The following UBE3A variants were observed in gnomAD, a reference collection of about 807,000 sequenced individuals.
The protein encoded by UBE3A is ubiquitin protein ligase E3A.
In UBE3A, 6 loss-of-function variants were observed where a neutral mutation model predicts 83.4. That is an observed-to-expected ratio of 0.07 (90% CI 0.04 to 0.14). The LOEUF is 0.14. UBE3A is among the 10% of genes least tolerant of loss of function. UBE3A has a pLI of 1.00. For missense variants in UBE3A, 456 were observed against 1,036.1 expected, an observed-to-expected ratio of 0.44 and a Z score of 7.69; for synonymous variants, 337 against 355.4, an observed-to-expected ratio of 0.95 and a Z score of 0.58.
chr15:25,422,644 A>C (rs928879997), intron 1 of UBE3A, among the ~76,000 whole-genome samples: 2 of 152,054 alleles, frequency 1.3e-5, no homozygotes, highest in Non-Finnish European at 2.9e-5. Flanking sequence ...TCTAAATTAA[A>C]GTCTATAAAG....
Position 25,371,772 on chromosome 15 carries a change from A to C in UBE3A, c.402T>G (p.Leu134=). The C allele has an allele frequency of 1.2e-6, 2 of 1,612,684 alleles. No individual in the cohort carries two copies. Among genetic ancestry groups the C allele is most frequent in the African/African-American group, 1.3e-5 (1 of 75,010 alleles). The change falls in exon 6 of 13, where the codon CTT becomes CTG. Residue 134 remains leucine (L), a synonymous_variant. Transcript: ENST00000648336. The surrounding 1 kb of genome is among the most constrained non-coding windows in gnomAD (Gnocchi z 5.3). ...YLTEEKVYEI[L]ELCREREDYS... ...AATCCTCTCTTTCTCTACATAATTCAAGAATTTCATATACCTTCTCTTCTG... is the reference window on the plus strand; with the variant it reads ...AATCCTCTCTTTCTCTACATAATTCCAGAATTTCATATACCTTCTCTTCTG...
intron 7 of UBE3A, among the ~76,000 whole-genome samples, chr15:25,357,902 C>CTGTTTTT (rs2077453854): frequency 1.0e-5 from 1 of 95,746 alleles, no homozygotes; most frequent in African/African-American, 4.5e-5. Flanking sequence ...ATCATGGAGG[C>CTGTTTTT]TTTTTTTTTT....
chr15:25,385,364 T>C (rs1278359672), intron 4 of UBE3A, among the ~76,000 whole-genome samples: 1 of 151,654 alleles, frequency 6.6e-6, no homozygotes, highest in African/African-American at 2.4e-5. Flanking sequence ...CACTGATCAG[T>C]AGGGAGAAAT....
chr15:25,351,635 A>T (rs1317619915), intron 11 of UBE3A, among the ~76,000 whole-genome samples: 1 of 152,200 alleles, frequency 6.6e-6, no homozygotes, highest in Non-Finnish European at 1.5e-5. Context: ...AAACCCAGCT[A>T]ATTTTTGTAT....
At chr15:25,437,895 AAC>A (rs1895610459) in intron 1 of UBE3A, among the ~76,000 whole-genome samples, 1 of 152,154 alleles carries the variant, frequency 6.6e-6, no homozygotes, top group Admixed American at 6.5e-5. Flanking sequence ...GTCTGCATAT[AAC>A]ACAGCAGTCT....
At chr15:25,391,653 A>C (rs192989983) in intron 4 of UBE3A, 4 of 152,314 alleles carry the variant, frequency 2.6e-5, no homozygotes, top group Admixed American at 2.6e-4. Flanking sequence ...TGAGCAGTAC[A>C]TGTCAGGAAC....
In UBE3A at chr15:25,336,951, G is replaced by C. The variant is rs960354112; in HGVS notation, c.*2186C>G. On this transcript the variant is annotated 3_prime_UTR_variant, in exon 13 of 13. Coordinates refer to ENST00000648336, the MANE Select transcript of UBE3A (RefSeq NM_130839.5). ...ATGTTTTGCTCTTCCTTATTGTTCA[G>C]GGACATTCCATTAAATAGTAATGAA... 1.3e-5 allele frequency: 2 copies of C among 152,178 alleles called. No individual in the cohort carries two copies. Among genetic ancestry groups the C allele is most frequent in the East Asian group, 3.9e-4 (2 of 5,162 alleles). The allele number at this position is 152,178 out of a possible 1,614,324, so 9.4% of individuals were successfully genotyped here. A position where few individuals can be genotyped will look rare whatever the true frequency, so the allele number is the denominator to read the frequency against.
intron 1 of UBE3A, among the ~76,000 whole-genome samples, chr15:25,427,989 A>C (rs1891904130): frequency 6.6e-6 from 1 of 152,142 alleles, no homozygotes; most frequent in African/African-American, 2.4e-5. Context: ...CAAACACAGA[A>C]AGACAAATAC....
At chr15:25,355,033 G>A (rs185014805) in intron 9 of UBE3A, among the ~76,000 whole-genome samples, 96 of 152,226 alleles carry the variant, frequency 6.3e-4, no homozygotes, top group Admixed American at 2.2e-3. Flanking sequence ...TGTCAATTTC[G>A]ATAATGTATT....
intron 6 of UBE3A, among the ~76,000 whole-genome samples, chr15:25,361,723 C>T (rs572473763): frequency 6.6e-6 from 1 of 152,188 alleles, no homozygotes; most frequent in South Asian, 2.1e-4. Context: ...AACTTGCCTT[C>T]AAACATCTGT....
chr15:25,425,217 A>G (rs1350529516), intron 1 of UBE3A, among the ~76,000 whole-genome samples: 1 of 152,180 alleles, frequency 6.6e-6, no homozygotes, highest in Admixed American at 6.5e-5. Context: ...ACAAAAGGAC[A>G]CATACTGTAT....
At chr15:25,397,971 A>G (rs1276562639) in intron 4 of UBE3A, among the ~76,000 whole-genome samples, 1 of 152,058 alleles carries the variant, frequency 6.6e-6, no homozygotes, top group Non-Finnish European at 1.5e-5. Context: ...TGATCATCTC[A>G]GCTATCTTTG....
At position 25,338,939 on chromosome 15, in the gene UBE3A, G is replaced by A. The variant is rs1036627451; in HGVS notation, c.*198C>T. ...TTGTTCATATATGTAGCTGAAATCT[G>A]CTGTTCCAGCCCACATGTCCCCAAT... On this transcript the variant is annotated 3_prime_UTR_variant, in exon 13 of 13. Coordinates refer to ENST00000648336, the MANE Select transcript of UBE3A (RefSeq NM_130839.5). The A allele has an allele frequency of 8.5e-5, 32 of 378,460 alleles. No homozygotes were observed. The Admixed American group carries it at 1.2e-3, about 14-fold the overall frequency. The allele number at this position is 378,460 out of a possible 1,614,324, so 23.4% of individuals were successfully genotyped here. A position where few individuals can be genotyped will look rare whatever the true frequency, so the allele number is the denominator to read the frequency against.
At chr15:25,367,664 G>T (rs1156527527) in intron 6 of UBE3A, among the ~76,000 whole-genome samples, 1 of 151,926 alleles carries the variant, frequency 6.6e-6, no homozygotes, top group Non-Finnish European at 1.5e-5. Context: ...GTATTTTTCT[G>T]TCTTAGCAGT....
intron 11 of UBE3A, among the ~76,000 whole-genome samples, chr15:25,342,093 A>C (rs140789991): frequency 1.2e-4 from 18 of 152,288 alleles, no homozygotes; most frequent in African/African-American, 3.8e-4. Context: ...TTGCAGGAGC[A>C]TCTCTCAGGT....
chr15:25,345,754 T>TA (rs1175985990), intron 11 of UBE3A: 3 of 151,208 alleles, frequency 2.0e-5, no homozygotes, highest in Admixed American at 6.6e-5. Context: ...AAAAAGAATT[T>TA]AAAAAATAAC....
At chr15:25,437,852 G>GA (rs1258881747) in intron 1 of UBE3A, among the ~76,000 whole-genome samples, 14 of 151,878 alleles carry the variant, frequency 9.2e-5, no homozygotes, top group African/African-American at 3.1e-4. Context: ...CACTGAAAAG[G>GA]GGGGGGAAAA....
chr15:25,402,198 C>G (rs2087310290), intron 4 of UBE3A, among the ~76,000 whole-genome samples: 2 of 152,186 alleles, frequency 1.3e-5, no homozygotes, highest in Admixed American at 6.5e-5. Flanking sequence ...TTGGGTAAAG[C>G]CCTTCACCAG....
intron 4 of UBE3A, among the ~76,000 whole-genome samples, chr15:25,392,918 A>G (rs1027247514): frequency 3.9e-5 from 6 of 152,184 alleles, no homozygotes; most frequent in African/African-American, 1.4e-4. Context: ...TAATCTAATA[A>G]AAGCTAAAGA....
Sources: allele counts gnomAD v4.1 joint callset (sites outside exome capture counted in the v4.1 genomes callset), GRCh38; gene constraint gnomAD v4.1.1; non-coding constraint Gnocchi (gnomAD v3.1); transcripts MANE v1.5; gene names NCBI Gene and HGNC (gene_info 2026-07-23, HGNC 2026-07-21).